LCP2: variants seen among roughly 807,000 people sequenced by gnomAD.
LCP2 encodes the protein lymphocyte cytosolic protein 2.
Under a neutral mutation model 74.5 loss-of-function variants are expected in LCP2, and 29 were observed. The observed-to-expected ratio is 0.39, with a 90% CI of 0.29 to 0.53. The LOEUF is 0.53. Among genes scored for constraint, LCP2 ranks in the 20% least tolerant of loss-of-function variants. LCP2 has a pLI of 0.72. For synonymous variants in LCP2, 228 were observed against 229.5 expected (o/e 0.99, Z 0.06); for missense variants, 604 against 634.6 (o/e 0.95, Z 0.52).
At chr5:170,272,592 A>ATTTTTTTTT (rs1761913090) in intron 6 of LCP2, among the ~76,000 whole-genome samples, 1 of 34,330 alleles carries the variant, frequency 2.9e-5, no homozygotes, top group African/African-American at 8.9e-5. Context: ...CCCATCAAAT[A>ATTTTTTTTT]TTTTCTTTTT....
At chr5:170,270,603 A>C (rs1043072586) in intron 7 of LCP2, 116 bp downstream of exon 7, 1 of 858,710 alleles carries the variant, frequency 1.2e-6, no homozygotes, top group Non-Finnish European at 1.8e-6. Context: ...CCGAGCAGAT[A>C]TCGAGACCCA....
chr5:170,267,266 A>G (rs1484720605), intron 8 of LCP2, 191 bp from the exon 9 acceptor site: 1 of 613,030 alleles, frequency 1.6e-6, no homozygotes, highest in Non-Finnish European at 2.9e-6. Context: ...CTGCCACGCA[A>G]GCTCTTTTCT....
At chr5:170,282,742 A>G (rs1466774913) in intron 3 of LCP2, among the ~76,000 whole-genome samples, 2 of 152,020 alleles carry the variant, frequency 1.3e-5, no homozygotes, top group Non-Finnish European at 2.9e-5. Flanking sequence ...CATTATTAGC[A>G]TTATACAGAT....
intron 10 of LCP2, among the ~76,000 whole-genome samples, chr5:170,265,857 T>A (rs1349006564): frequency 1.3e-5 from 2 of 152,046 alleles, no homozygotes; most frequent in Non-Finnish European, 2.9e-5. Flanking sequence ...AGTTGCAGAG[T>A]TCCTTCCTCA....
intron 10 of LCP2, among the ~76,000 whole-genome samples, chr5:170,264,978 C>CTTTT (rs58508083): frequency 2.8e-5 from 3 of 108,994 alleles, no homozygotes; most frequent in African/African-American, 4.1e-5. Context: ...CAAAATTTGC[C>CTTTT]TTTTTTTTTT....
rs575543587 is a variant in LCP2 at position 170,276,406 on chromosome 5, C to T, written c.189-546G>A. On this transcript the variant is annotated intron_variant, in intron 3 of 20. Transcript: ENST00000046794. ...CTGCCTTCTCCTTCCATCTTCCCCT[C>T]CCAGACTCCCACTTGGTGATGCGGA... Among the ~76,000 whole-genome samples the T allele has an allele frequency of 3.9e-5, 6 of 152,288 alleles. No individual in the cohort carries two copies. The South Asian group carries it at 6.2e-4, about 16-fold the overall frequency.
rs748467131 is a variant in LCP2, at chr5:170,253,112, C to G, written c.1245+7G>C. The G allele has an allele frequency of 1.3e-6, 2 of 1,590,238 alleles. No homozygotes were observed. Among genetic ancestry groups the G allele is most frequent in the Non-Finnish European group, 1.7e-6 (2 of 1,162,362 alleles). On this transcript the variant is annotated splice_region_variant and intron_variant, in intron 18 of 20. Transcript: ENST00000046794. ...AAACAAACAAAAATAAAAACATGCT[C>G]TCTTACCTCTTCCTCCGCGGGGGAT... is the stretch of plus-strand genomic sequence containing the variant.
intron 3 of LCP2, 132 bp downstream of exon 3, chr5:170,287,838 T>TG (rs1762208972): frequency 1.2e-6 from 1 of 809,064 alleles, no homozygotes; most frequent in Non-Finnish European, 2.1e-6. Flanking sequence ...ATCCTGCCCT[T>TG]GCCCTCATCC....
At chr5:170,252,988 A>T (rs1017969558) in intron 18 of LCP2, 131 bp downstream of exon 18, 9 of 631,672 alleles carry the variant, frequency 1.4e-5, no homozygotes, top group African/African-American at 1.1e-4. Flanking sequence ...TTCTCCTTTA[A>T]CTTTTTTTTC....
intron 6 of LCP2, among the ~76,000 whole-genome samples, chr5:170,271,926 T>G (rs560743727): frequency 1.1e-3 from 172 of 152,354 alleles, no homozygotes; most frequent in African/African-American, 4.0e-3. Context: ...GTCCTGTGTT[T>G]GTTTTTGACT....
intron 14 of LCP2, among the ~76,000 whole-genome samples, chr5:170,259,814 A>G (rs778019400): frequency 6.6e-6 from 1 of 152,198 alleles, no homozygotes; most frequent in Non-Finnish European, 1.5e-5. Context: ...ATAAACACAC[A>G]TGGGCTCATA....
At chr5:170,260,015 G>A (rs1031474762) in intron 14 of LCP2, among the ~76,000 whole-genome samples, 10 of 152,200 alleles carry the variant, frequency 6.6e-5, no homozygotes, top group Non-Finnish European at 1.5e-4. Context: ...CCAAGCCACT[G>A]TTCTCACTGT....
rs139707023 is a variant in LCP2 at position 170,285,491 on chromosome 5, A to G, written c.188+2479T>C. On this transcript the variant is annotated intron_variant, in intron 3 of 20. Coordinates refer to ENST00000046794, the MANE Select transcript of LCP2 (RefSeq NM_005565.5). ...TTTTGCATTCCTATAAATAGGTTTA[A>G]GTTTTGTTCTGAGATGCAGTTAAGT... Among the ~76,000 whole-genome samples the G allele has an allele frequency of 5.9e-3, 905 of 152,320 alleles. 3 individuals are homozygous for G. The highest frequency in any genetic ancestry group is 9.8e-3 in the Non-Finnish European group (665 of 68,016).
chr5:170,280,839 C>T (rs111779429), intron 3 of LCP2, among the ~76,000 whole-genome samples: 3,811 of 152,178 alleles, frequency 0.025, 164 homozygotes, highest in African/African-American at 0.087. Flanking sequence ...AAAACCCCAT[C>T]TCTGCTAACA....
At position 170,293,384 on chromosome 5, in the gene LCP2, A is replaced by G; in HGVS notation, c.79-12T>C. ...TCCTTATAGTTGAGCTGCAAAGAGA[A>G]GGGGAAGGTGTTGTTAGTGACGGGC... On this transcript the variant is annotated splice_polypyrimidine_tract_variant and intron_variant, in intron 1 of 20. Transcript: ENST00000046794. 6.3e-7 allele frequency: 1 copy of G among 1,584,600 alleles called. No individual in the cohort carries two copies. The highest frequency in any genetic ancestry group is 8.6e-7 in the Non-Finnish European group (1 of 1,164,484).
At chr5:170,269,971 G>A (rs940815839) in intron 7 of LCP2, among the ~76,000 whole-genome samples, 4 of 152,186 alleles carry the variant, frequency 2.6e-5, no homozygotes, top group South Asian at 4.1e-4. Context: ...GGGTTATACC[G>A]CATAAAGGAT....
At chr5:170,265,758 G>T (rs1761743271) in intron 10 of LCP2, among the ~76,000 whole-genome samples, 1 of 152,184 alleles carries the variant, frequency 6.6e-6, no homozygotes, top group Admixed American at 6.5e-5. Context: ...GACAAAAAGG[G>T]ATTGAGGCCA....
At chr5:170,262,811 A>G in intron 12 of LCP2, 31 bp downstream of exon 12, 2 of 1,614,024 alleles carry the variant, frequency 1.2e-6, no homozygotes, top group South Asian at 1.1e-5. Context: ...AGAACGTCCC[A>G]TGTACCCTCA....
intron 1 of LCP2, among the ~76,000 whole-genome samples, chr5:170,295,752 G>A (rs930356398): frequency 2.0e-5 from 3 of 152,210 alleles, no homozygotes; most frequent in Admixed American, 6.5e-5. Context: ...TTCTATCCAA[G>A]TCTGTGGAGG....
Sources: gnomAD v4.1 joint callset for allele counts (sites outside exome capture counted in the v4.1 genomes callset) on GRCh38, gnomAD v4.1.1 for gene constraint, MANE v1.5 for transcripts, NCBI Gene and HGNC (gene_info 2026-07-23, HGNC 2026-07-21) for gene names.